The following SYNE2 variants were observed in gnomAD, a reference collection of about 807,000 sequenced individuals.
The protein encoded by SYNE2 is spectrin repeat containing nuclear envelope protein 2.
SYNE2 carries 431 observed loss-of-function variants against 856.3 expected under a neutral mutation model. That is an observed-to-expected ratio of 0.50 (90% CI 0.47 to 0.55). SYNE2 has a LOEUF of 0.55. Among genes scored for constraint, SYNE2 ranks in the 20% least tolerant of loss-of-function variants. The probability of loss-of-function intolerance (pLI) is 0.00; values close to 1 mark genes in which losing one functional copy is unlikely to be tolerated. For missense variants in SYNE2, 8,129 were observed against 8,023.2 expected, an observed-to-expected ratio of 1.01 and a Z score of -0.50; for synonymous variants, 2,923 against 2,872.3, an observed-to-expected ratio of 1.02 and a Z score of -0.56.
At chr14:64,103,183 A>G (rs1011008740) in intron 64 of SYNE2, among the ~76,000 whole-genome samples, 3 of 152,192 alleles carry the variant, frequency 2.0e-5, no homozygotes, top group Admixed American at 2.0e-4. Context: ...TGTGTACTTA[A>G]TAACAGGAGA....
intron 110 of SYNE2, 104 bp downstream of exon 110, chr14:64,219,514 T>G: frequency 9.0e-7 from 1 of 1,108,988 alleles, no homozygotes. Flanking sequence ...AGGCGCAGCT[T>G]GCAGATGGTG....
At chr14:64,055,351 T>C (rs1283674384) in intron 48 of SYNE2, among the ~76,000 whole-genome samples, 2 of 151,940 alleles carry the variant, frequency 1.3e-5, no homozygotes, top group Non-Finnish European at 2.9e-5. Context: ...ATTTTTCTTA[T>C]TAAATCTGAA....
At chr14:63,871,722 G>A (rs925726305) in intron 1 of SYNE2, among the ~76,000 whole-genome samples, 15 of 149,112 alleles carry the variant, frequency 1.0e-4, no homozygotes. Context: ...TCAAACTCCT[G>A]AGCTTAAGCT....
intron 1 of SYNE2, among the ~76,000 whole-genome samples, chr14:63,811,205 G>A (rs747253048): frequency 4.6e-5 from 7 of 151,942 alleles, no homozygotes; most frequent in Admixed American, 2.0e-4. Context: ...TGTTCTCCTC[G>A]TAACAAGACA....
chr14:63,888,944 G>C (rs141677755), intron 1 of SYNE2, among the ~76,000 whole-genome samples: 1 of 151,168 alleles, frequency 6.6e-6, no homozygotes, highest in Non-Finnish European at 1.5e-5. Flanking sequence ...GCACACGCCT[G>C]TAATCCCAGC....
chr14:64,084,924 C>G, intron 57 of SYNE2: 1 of 701,744 alleles, frequency 1.4e-6, no homozygotes, highest in African/African-American at 1.7e-5. Context: ...AGCTCATTCC[C>G]GTGGCTGTTG....
chr14:64,061,201 CA>C (rs1296770122), intron 49 of SYNE2, among the ~76,000 whole-genome samples: 2 of 152,160 alleles, frequency 1.3e-5, no homozygotes, highest in Non-Finnish European at 2.9e-5. Context: ...TCTATTCAGC[CA>C]TCTTGCTCCT....
chr14:64,013,255 C>G (rs2096861501), intron 32 of SYNE2, among the ~76,000 whole-genome samples: 1 of 151,374 alleles, frequency 6.6e-6, no homozygotes, highest in South Asian at 2.1e-4. Flanking sequence ...TGAAGTATAT[C>G]AATTAAATGA....
In SYNE2 at chr14:63,811,114, C is replaced by T. The variant is rs569088269; in HGVS notation, c.-304-41387C>T. On this transcript the variant is annotated intron_variant, in intron 1 of 23. Coordinates refer to the SYNE2 transcript ENST00000674003. The stretch of plus-strand genomic sequence containing the variant: ...CCTCCCAAAGTGCTGGGATTACAGA[C>T]GTGAGCCACCATGCCTGGCCTATAG... Among the ~76,000 whole-genome samples the T allele has an allele frequency of 6.6e-5, 10 of 151,958 alleles. No homozygotes were observed. In the South Asian group the frequency reaches 1.0e-3, roughly 16 times the overall value.
intron 45 of SYNE2, among the ~76,000 whole-genome samples, chr14:64,040,971 G>A (rs2097143982): frequency 6.6e-6 from 1 of 151,952 alleles, no homozygotes; most frequent in Non-Finnish European, 1.5e-5. Context: ...AAGGCAACTA[G>A]AGAAAAAAGA....
chr14:64,197,513 G>GT (rs2098545641), intron 99 of SYNE2, among the ~76,000 whole-genome samples: 2 of 152,172 alleles, frequency 1.3e-5, no homozygotes, highest in South Asian at 4.2e-4. Context: ...TTTGTACAGT[G>GT]TTTTTTGCAA....
At chr14:63,846,337 C>T (rs571855354) in intron 1 of SYNE2, among the ~76,000 whole-genome samples, 7 of 151,988 alleles carry the variant, frequency 4.6e-5, no homozygotes, top group East Asian at 1.9e-4. Flanking sequence ...TGAGAGCCAT[C>T]GTGTGTGTAG....
Position 64,226,042 on chromosome 14 carries a change from AC to A in SYNE2, c.*518del. On this transcript the variant is annotated 3_prime_UTR_variant, in exon 116 of 116. Coordinates refer to ENST00000555002, the MANE Select transcript of SYNE2 (RefSeq NM_182914.3). The stretch of plus-strand genomic sequence containing the variant: ...GGCAATTTTGAGCTGCCGGTTATAC[AC>A]CAAAATGTTCTGTTCAGTACCTAGC... 1 of 207,702 alleles carries A rather than the reference AC, an allele frequency of 4.8e-6. No homozygotes were observed. The highest frequency in any genetic ancestry group is 1.0e-4 in the South Asian group (1 of 9,848). 12.9% of individuals were successfully genotyped at this position (207,702 alleles called of 1,614,324 possible). A position where few individuals can be genotyped will look rare whatever the true frequency, so the allele number is the denominator to read the frequency against.
At chr14:64,114,900 G>A (rs918537274) in intron 66 of SYNE2, among the ~76,000 whole-genome samples, 3 of 152,114 alleles carry the variant, frequency 2.0e-5, no homozygotes, top group Admixed American at 1.3e-4. Flanking sequence ...GATTACAGGC[G>A]TGAGCTATCA....
intron 2 of SYNE2, among the ~76,000 whole-genome samples, chr14:63,919,950 T>C (rs1566800767): frequency 6.8e-6 from 1 of 147,090 alleles, no homozygotes; most frequent in Non-Finnish European, 1.5e-5. Flanking sequence ...AACAGAGATA[T>C]CAGGCACATG....
chr14:64,158,767 C>G lies in SYNE2; in HGVS notation c.15935C>G (p.Thr5312Ser). The change falls in exon 86 of 116, where the codon ACC becomes AGC. Residue 5312 changes from threonine (T) to serine (S), a missense_variant. Coordinates refer to ENST00000555002, the MANE Select transcript of SYNE2 (RefSeq NM_182914.3). ...AAGCCTGTGGTGTTATCATTGGAGA[C>G]CTTGAGATGCCAGGTGGAGAACCTT... ...HSKPVVLSLE[T>S]LRCQVENLQS... The G allele has an allele frequency of 1.2e-6, 2 of 1,613,820 alleles. No homozygotes were observed. The highest frequency in any genetic ancestry group is 1.7e-6 in the Non-Finnish European group (2 of 1,179,852).
chr14:64,183,359 G>T (rs1365228157), intron 96 of SYNE2, among the ~76,000 whole-genome samples: 1 of 151,692 alleles, frequency 6.6e-6, no homozygotes, highest in Non-Finnish European at 1.5e-5. Context: ...CAGACGATGG[G>T]CGGCCGGGCA....
chr14:64,165,516 T>C, intron 90 of SYNE2, 106 bp downstream of exon 90: 1 of 1,325,852 alleles, frequency 7.5e-7, no homozygotes, highest in Non-Finnish European at 1.1e-6. Flanking sequence ...TAACTCACTC[T>C]TATTTTTTTT....
At chr14:64,075,485 C>T (rs1157346412) in intron 53 of SYNE2, 1 of 196,754 alleles carries the variant, frequency 5.1e-6, no homozygotes, top group Non-Finnish European at 1.0e-5. Flanking sequence ...TGAAAGTAGA[C>T]ACTTCTGCTC....
Sources: gnomAD v4.1 joint callset for allele counts (sites outside exome capture counted in the v4.1 genomes callset) on GRCh38, gnomAD v4.1.1 for gene constraint, MANE v1.5 for transcripts, NCBI Gene and HGNC (gene_info 2026-07-23, HGNC 2026-07-21) for gene names.